SLIT3: variants seen among roughly 807,000 people sequenced by gnomAD.
The protein encoded by SLIT3 is slit guidance ligand 3.
In SLIT3, 68 loss-of-function variants were observed where a neutral mutation model predicts 184.0. The ratio of observed to expected loss-of-function variants is 0.37; its 90% confidence interval spans 0.30 to 0.45. SLIT3 has a LOEUF of 0.45. Among genes scored for constraint, SLIT3 ranks in the 20% least tolerant of loss-of-function variants. The pLI, the probability that SLIT3 is intolerant of heterozygous loss-of-function variation, is 1.00. For synonymous variants in SLIT3, 831 were observed against 828.6 expected, an observed-to-expected ratio of 1.00 and a Z score of -0.05; for missense variants, 1,707 against 2,026.0, an observed-to-expected ratio of 0.84 and a Z score of 3.02.
intron 4 of SLIT3, among the ~76,000 whole-genome samples, chr5:169,066,593 A>G (rs12523061): frequency 0.011 from 1,704 of 152,336 alleles, 30 homozygotes; most frequent in Middle Eastern, 0.044. Context: ...CTGCTAGTGG[A>G]AGTTTACTTT....
intron 12 of SLIT3, among the ~76,000 whole-genome samples, chr5:168,781,597 A>G (rs1755973742): frequency 6.6e-6 from 1 of 152,182 alleles, no homozygotes; most frequent in East Asian, 1.9e-4. Context: ...CCTCTCATAG[A>G]GCAAACATTA....
chr5:168,701,880 G>A (rs1762227673), intron 26 of SLIT3, among the ~76,000 whole-genome samples: 1 of 152,240 alleles, frequency 6.6e-6, no homozygotes, highest in African/African-American at 2.4e-5. Flanking sequence ...TGTTGCTGGT[G>A]ATGTGATGGA....
At chr5:168,688,779 A>G (rs1761822219) in intron 29 of SLIT3, among the ~76,000 whole-genome samples, 2 of 152,240 alleles carry the variant, frequency 1.3e-5, no homozygotes, top group South Asian at 2.1e-4. Context: ...ATACAGCACC[A>G]TGTATACTTC....
At chr5:169,249,723 C>T (rs1234980212) in intron 2 of SLIT3, among the ~76,000 whole-genome samples, 1 of 152,188 alleles carries the variant, frequency 6.6e-6, no homozygotes, top group Non-Finnish European at 1.5e-5. Context: ...CCATGGAATT[C>T]CCCCACCCTG....
At chr5:168,989,202 T>C (rs113787172) in intron 4 of SLIT3, among the ~76,000 whole-genome samples, 2 of 152,306 alleles carry the variant, frequency 1.3e-5, no homozygotes, top group East Asian at 3.9e-4. Flanking sequence ...CATACATCCT[T>C]AGGAAATGAT....
chr5:169,212,708 G>A (rs1213957787), intron 3 of SLIT3, among the ~76,000 whole-genome samples: 1 of 152,164 alleles, frequency 6.6e-6, no homozygotes, highest in Admixed American at 6.5e-5. Flanking sequence ...CCTATGTCCT[G>A]AATCATATTG....
rs371763716 is a variant in SLIT3, at chr5:169,274,338, C to T, written c.198-22879G>A. 5.9e-5 allele frequency among the ~76,000 whole-genome samples: 9 copies of T among 152,272 alleles called. No homozygotes were observed. The East Asian group carries it at 1.2e-3, about 20-fold the overall frequency. ...AATCCTGGCTCTGACACTTACATTT[C>T]GGGACAATGAAAGGCAACTACTTTA... On this transcript the variant is annotated intron_variant, in intron 1 of 35. Transcript: ENST00000519560.
At chr5:169,237,429 G>A (rs1364577710) in intron 3 of SLIT3, among the ~76,000 whole-genome samples, 2 of 152,084 alleles carry the variant, frequency 1.3e-5, no homozygotes. Context: ...TGAATCCCTA[G>A]CAACCATAGA....
At chr5:169,270,236 G>A (rs1281374038) in intron 1 of SLIT3, among the ~76,000 whole-genome samples, 1 of 152,108 alleles carries the variant, frequency 6.6e-6, no homozygotes, top group African/African-American at 2.4e-5. Flanking sequence ...GTTTATGAAT[G>A]GCAACTTAGT....
chr5:169,196,534 C>A (rs911550756), intron 3 of SLIT3, among the ~76,000 whole-genome samples: 1 of 152,190 alleles, frequency 6.6e-6, no homozygotes, highest in African/African-American at 2.4e-5. Flanking sequence ...ACGTGCTACA[C>A]AGGCAGGATC....
chr5:168,890,981 G>C (rs953121150), intron 4 of SLIT3, among the ~76,000 whole-genome samples: 13 of 152,198 alleles, frequency 8.5e-5, no homozygotes, highest in African/African-American at 3.1e-4. Context: ...CATGCTGTGT[G>C]TCTTTAAGAG....
chr5:168,685,957 A>C, intron 30 of SLIT3, 30 bp from the exon 31 acceptor site: 1 of 1,583,446 alleles, frequency 6.3e-7, no homozygotes. Context: ...GGGGAGGGAG[A>C]TAGGAGAATG....
intron 1 of SLIT3, among the ~76,000 whole-genome samples, chr5:169,262,375 G>A (rs560608558): frequency 6.6e-6 from 1 of 152,282 alleles, no homozygotes; most frequent in East Asian, 1.9e-4. Context: ...CTCTTAGAGA[G>A]TGAGATTTGG....
rs534427985 is a variant in SLIT3, at chr5:168,755,392, T to C, written c.1686-1385A>G. On this transcript the variant is annotated intron_variant, in intron 16 of 35. Coordinates refer to ENST00000519560, the MANE Select transcript of SLIT3 (RefSeq NM_003062.4). ...CTATCAAACCCTCAGTGCCGCCATT[T>C]CTTTCTTTCTTTCTTTCTTTCTTTC... 3.4e-3 allele frequency among the ~76,000 whole-genome samples: 29 copies of C among 8,500 alleles called. 1 individual carries two copies. The East Asian group carries it at 0.049, about 14-fold the overall frequency. 5.6% of individuals were successfully genotyped at this position (8,500 alleles called of 152,430 possible).
At chr5:168,963,187 G>A (rs1293465582) in intron 4 of SLIT3, among the ~76,000 whole-genome samples, 2 of 151,966 alleles carry the variant, frequency 1.3e-5, no homozygotes, top group East Asian at 1.9e-4. Flanking sequence ...TTTTCTTTTC[G>A]AAATGGAGTC....
At position 168,703,878 on chromosome 5, in the gene SLIT3, G is replaced by C. The variant is rs147036482; in HGVS notation, c.2845-3199C>G. The stretch of plus-strand genomic sequence containing the variant: ...GAGAATTGCTTGAACCCAGGAAGCA[G>C]AGGTTGCAGTGAGCCGAGATTATGC... On this transcript the variant is annotated intron_variant, in intron 26 of 35. Coordinates refer to ENST00000519560, the MANE Select transcript of SLIT3 (RefSeq NM_003062.4). Among the ~76,000 whole-genome samples the C allele has an allele frequency of 3.8e-3, 547 of 144,696 alleles. 18 individuals carry two copies. In the East Asian group the frequency reaches 0.099, roughly 26 times the overall value. The allele number at this position is 144,696 out of a possible 152,430, so 94.9% of individuals were successfully genotyped here. A position where few individuals can be genotyped will look rare whatever the true frequency, so the allele number is the denominator to read the frequency against.
At chr5:169,176,182 A>G (rs1762978052) in intron 4 of SLIT3, among the ~76,000 whole-genome samples, 1 of 152,080 alleles carries the variant, frequency 6.6e-6, no homozygotes, top group African/African-American at 2.4e-5. Context: ...GACTGCTCAC[A>G]TGTCTCCTCT....
chr5:168,818,711 T>C (rs1377195639), intron 7 of SLIT3, among the ~76,000 whole-genome samples: 1 of 152,194 alleles, frequency 6.6e-6, no homozygotes, highest in Non-Finnish European at 1.5e-5. Context: ...ACGCCTGGAA[T>C]AGAGAGAGCT....
chr5:168,892,049 C>CT (rs1484227068), intron 4 of SLIT3, among the ~76,000 whole-genome samples: 2 of 152,190 alleles, frequency 1.3e-5, no homozygotes, highest in African/African-American at 4.8e-5. Flanking sequence ...CTGTCACCTC[C>CT]TCAGGGGCGA....
Sources: allele counts gnomAD v4.1 joint callset (sites outside exome capture counted in the v4.1 genomes callset), GRCh38; gene constraint gnomAD v4.1.1; transcripts MANE v1.5; gene names NCBI Gene and HGNC (gene_info 2026-07-23, HGNC 2026-07-21).